The following ADAM23 variants were observed in gnomAD, a reference collection of about 807,000 sequenced individuals.
ADAM23 encodes disintegrin and metalloproteinase domain-containing protein 23.
In ADAM23, 33 loss-of-function variants were observed where a neutral mutation model predicts 120.1. The ratio of observed to expected loss-of-function variants is 0.27; its 90% CI spans 0.21 to 0.37. ADAM23 has a LOEUF of 0.37. Among genes scored for constraint, ADAM23 ranks in the 10% least tolerant of loss-of-function variants. The pLI is 1.00. For missense variants in ADAM23, 862 were observed against 1,058.2 expected, an observed-to-expected ratio of 0.81 and a Z score of 2.57; for synonymous variants, 367 against 375.2, an observed-to-expected ratio of 0.98 and a Z score of 0.25.
intron 3 of ADAM23, among the ~76,000 whole-genome samples, chr2:206,491,597 A>G (rs1388059508): frequency 9.2e-5 from 14 of 152,186 alleles, no homozygotes; most frequent in Admixed American, 9.2e-4. Flanking sequence ...AAGACAAATA[A>G]TGTATAAAAA....
chr2:206,586,870 A>C (rs3770979), intron 18 of ADAM23, among the ~76,000 whole-genome samples: 11,242 of 152,296 alleles, frequency 0.074, 554 homozygotes, highest in Admixed American at 0.14. Flanking sequence ...GTTGAAAGGC[A>C]GAGTATTTCT....
chr2:206,609,128 A>G (rs1366988507), intron 24 of ADAM23, among the ~76,000 whole-genome samples: 2 of 152,316 alleles, frequency 1.3e-5, no homozygotes, highest in Admixed American at 6.5e-5. Context: ...TAGAAATGCC[A>G]CCTTGTCTTT....
At chr2:206,484,443 T>C (rs1199901715) in intron 3 of ADAM23, among the ~76,000 whole-genome samples, 1 of 152,202 alleles carries the variant, frequency 6.6e-6, no homozygotes, top group Non-Finnish European at 1.5e-5. Flanking sequence ...ATTTGTATTA[T>C]TTTTAAAAAT....
At chr2:206,523,484 A>G (rs1388428210) in intron 3 of ADAM23, among the ~76,000 whole-genome samples, 4 of 152,202 alleles carry the variant, frequency 2.6e-5, no homozygotes, top group Non-Finnish European at 5.9e-5. Context: ...TATCATTGCT[A>G]CATGCTTAAA....
chr2:206,544,898 C>T (rs183980138), intron 6 of ADAM23, among the ~76,000 whole-genome samples: 2 of 151,884 alleles, frequency 1.3e-5, no homozygotes, highest in African/African-American at 2.4e-5. Flanking sequence ...GAATGAAGCA[C>T]TTAAGGAAAT....
intron 4 of ADAM23, among the ~76,000 whole-genome samples, chr2:206,539,682 C>T (rs1391037740): frequency 6.6e-6 from 1 of 152,090 alleles, no homozygotes; most frequent in Non-Finnish European, 1.5e-5. Flanking sequence ...AAGTGGGCTC[C>T]CTGTACTGGC....
At chr2:206,591,543 A>G (rs575468793) in intron 21 of ADAM23, among the ~76,000 whole-genome samples, 41 of 152,248 alleles carry the variant, frequency 2.7e-4, no homozygotes, top group African/African-American at 9.6e-4. Flanking sequence ...TTAGTTCTCC[A>G]TTCTGTGTTG....
At chr2:206,540,771 G>T (rs901705216) in intron 4 of ADAM23, among the ~76,000 whole-genome samples, 1 of 151,936 alleles carries the variant, frequency 6.6e-6, no homozygotes, top group Non-Finnish European at 1.5e-5. Context: ...GATGTAGAGC[G>T]GTTAAGTCCC....
At position 206,595,462 on chromosome 2, in the gene ADAM23, A is replaced by G. The variant is rs116194618; in HGVS notation, c.2247+557A>G. The stretch of plus-strand genomic sequence containing the variant: ...CTTGGCTGACTGAGAAAAGAGGGTT[A>G]CCAAGGACTAGGGGTGTGGGGGTGT... On this transcript the variant is annotated intron_variant, in intron 23 of 25. Coordinates refer to ENST00000264377, the MANE Select transcript of ADAM23 (RefSeq NM_003812.4). Among the ~76,000 whole-genome samples, 496 of 149,034 alleles carry G rather than the reference A, an allele frequency of 3.3e-3. 3 individuals carry two copies. Among genetic ancestry groups the G allele is most frequent in the African/African-American group, 0.011 (465 of 40,866 alleles).
At chr2:206,595,915 GACC>G in intron 23 of ADAM23, 133 bp from the exon 24 acceptor site, 7 of 632,694 alleles carry the variant, frequency 1.1e-5, no homozygotes. Flanking sequence ...TAGTGATCAA[GACC>G]ATGGGAAACT....
chr2:206,451,047 G>A (rs765047915), intron 2 of ADAM23, among the ~76,000 whole-genome samples: 32 of 152,300 alleles, frequency 2.1e-4, no homozygotes, highest in Non-Finnish European at 3.2e-4. Context: ...CGTTGCCTAG[G>A]GAAGTCAAAG....
intron 2 of ADAM23, among the ~76,000 whole-genome samples, chr2:206,473,923 G>A (rs1009569967): frequency 1.3e-5 from 2 of 151,030 alleles, no homozygotes; most frequent in East Asian, 3.9e-4. Context: ...TGAGGTGGGA[G>A]GATTGCTTCA....
chr2:206,495,677 A>T (rs1159403726), intron 3 of ADAM23, among the ~76,000 whole-genome samples: 1 of 152,232 alleles, frequency 6.6e-6, no homozygotes, highest in Admixed American at 6.5e-5. Context: ...AAATGGGCTA[A>T]ATGCTCCAAT....
chr2:206,615,428 A>G (rs940540165), intron 25 of ADAM23, among the ~76,000 whole-genome samples: 2 of 152,252 alleles, frequency 1.3e-5, no homozygotes, highest in African/African-American at 4.8e-5. Flanking sequence ...TTAAAATTGA[A>G]CTGAAAGAAT....
chr2:206,525,193 T>A (rs1193631169), intron 3 of ADAM23, among the ~76,000 whole-genome samples: 1 of 152,034 alleles, frequency 6.6e-6, no homozygotes, highest in Non-Finnish European at 1.5e-5. Flanking sequence ...TCATCTAGAC[T>A]TTTTTTTACC....
intron 6 of ADAM23, among the ~76,000 whole-genome samples, 175 bp downstream of exon 6, chr2:206,543,491 G>A (rs935636477): frequency 1.3e-5 from 2 of 152,170 alleles, no homozygotes; most frequent in African/African-American, 2.4e-5. Context: ...CCAGGCCCAT[G>A]TACCCGTAAA....
chr2:206,598,160 G>A (rs536290637), intron 24 of ADAM23, among the ~76,000 whole-genome samples: 309 of 152,200 alleles, frequency 2.0e-3, no homozygotes, highest in African/African-American at 7.1e-3. Flanking sequence ...GCTCTAACAA[G>A]AGAAGCCAAG....
chr2:206,611,163 A>T (rs1279497162), intron 25 of ADAM23, among the ~76,000 whole-genome samples: 2 of 152,242 alleles, frequency 1.3e-5, no homozygotes, highest in Non-Finnish European at 2.9e-5. Flanking sequence ...ATTAAGATTT[A>T]TTGAGTAAGT....
chr2:206,615,985 A>G (rs1276647925), intron 25 of ADAM23, among the ~76,000 whole-genome samples: 1 of 152,180 alleles, frequency 6.6e-6, no homozygotes, highest in Non-Finnish European at 1.5e-5. Flanking sequence ...CCTTTCCTCT[A>G]CATTTGGATT....
Sources: allele counts gnomAD v4.1 joint callset (sites outside exome capture counted in the v4.1 genomes callset), GRCh38; gene constraint gnomAD v4.1.1; transcripts MANE v1.5; gene names NCBI Gene and HGNC (gene_info 2026-07-23, HGNC 2026-07-21).